The following SYNDIG1 variants were observed in gnomAD, a reference collection of about 807,000 sequenced individuals.
The protein encoded by SYNDIG1 is synapse differentiation inducing 1.
SYNDIG1 carries 9 observed loss-of-function variants against 19.4 expected under a neutral mutation model. The observed-to-expected ratio is 0.46, with a 90% confidence interval of 0.28 to 0.81. The LOEUF is 0.81. Among genes scored for constraint, SYNDIG1 ranks in the 30% least tolerant of loss-of-function variants. SYNDIG1 has a pLI of 0.12. For synonymous variants in SYNDIG1, 141 were observed against 145.9 expected (o/e 0.97, Z 0.24); for missense variants, 311 against 343.3 (o/e 0.91, Z 0.74).
At chr20:24,614,253 C>T (rs1279145671) in intron 3 of SYNDIG1, among the ~76,000 whole-genome samples, 2 of 152,232 alleles carry the variant, frequency 1.3e-5, no homozygotes, top group Non-Finnish European at 2.9e-5. Flanking sequence ...ATCCTCCCAC[C>T]TCAGCCTCCC....
At chr20:24,554,353 G>A (rs1480880150) in intron 2 of SYNDIG1, among the ~76,000 whole-genome samples, 1 of 152,184 alleles carries the variant, frequency 6.6e-6, no homozygotes, top group East Asian at 1.9e-4. Context: ...TTGAATAGGA[G>A]TGATGAGAGA....
chr20:24,622,161 A>G (rs970348338), intron 3 of SYNDIG1, among the ~76,000 whole-genome samples: 2 of 152,226 alleles, frequency 1.3e-5, no homozygotes, highest in African/African-American at 4.8e-5. Context: ...GACAACACAT[A>G]AGAAAATGGA....
intron 2 of SYNDIG1, among the ~76,000 whole-genome samples, chr20:24,581,622 G>A (rs997966925): frequency 6.6e-6 from 1 of 152,060 alleles, no homozygotes; most frequent in Non-Finnish European, 1.5e-5. Context: ...GATGGAGAGT[G>A]GAGTCGACAG....
At chr20:24,661,350 A>AGG (rs2059585138) in intron 3 of SYNDIG1, among the ~76,000 whole-genome samples, 2 of 48,076 alleles carry the variant, frequency 4.2e-5, no homozygotes, top group African/African-American at 1.5e-4. Flanking sequence ...AAGGAGGGAG[A>AGG]GAGGAGGGAG....
At chr20:24,537,157 T>A (rs993663700) in intron 1 of SYNDIG1, among the ~76,000 whole-genome samples, 2 of 152,108 alleles carry the variant, frequency 1.3e-5, no homozygotes, top group Non-Finnish European at 2.9e-5. Context: ...AGCCTCCTCC[T>A]CTGCTTCCTA....
chr20:24,603,170 G>A (rs73345335), intron 3 of SYNDIG1, among the ~76,000 whole-genome samples: 4,498 of 152,156 alleles, frequency 0.03, 95 homozygotes, highest in Middle Eastern at 0.085. Context: ...GTGCACACCC[G>A]TGTTCTGCTT....
rs1158915281 is a variant in SYNDIG1 at position 24,572,661 on chromosome 20, C to T, written c.481-12195C>T. Among the ~76,000 whole-genome samples the T allele has an allele frequency of 3.9e-5, 6 of 152,210 alleles. 1 individual carries two copies. The South Asian group carries it at 1.0e-3, about 26-fold the overall frequency. The stretch of plus-strand genomic sequence containing the variant: ...GGGGAGTAGAGATGGCCACTGGCCT[C>T]TTAAAGGAAGAGATACAGTTGTGTT... On this transcript the variant is annotated intron_variant, in intron 2 of 3. Coordinates refer to ENST00000376862, the MANE Select transcript of SYNDIG1 (RefSeq NM_024893.3).
At chr20:24,489,377 A>T (rs1284411476) in intron 1 of SYNDIG1, among the ~76,000 whole-genome samples, 1 of 151,100 alleles carries the variant, frequency 6.6e-6, no homozygotes, top group Non-Finnish European at 1.5e-5. Flanking sequence ...ACACACAGAC[A>T]TGTGGACACA....
chr20:24,661,443 A>C (rs2062999392), intron 3 of SYNDIG1, among the ~76,000 whole-genome samples: 1 of 141,614 alleles, frequency 7.1e-6, no homozygotes, highest in African/African-American at 2.6e-5. Flanking sequence ...GGAAGGAAGG[A>C]GGAAAGAGGG....
At chr20:24,492,203 C>G (rs6049737) in intron 1 of SYNDIG1, among the ~76,000 whole-genome samples, 69,031 of 152,058 alleles carry the variant, frequency 0.45, 16,691 homozygotes, top group African/African-American at 0.62. Context: ...ATGTGCCCCC[C>G]ACTTTTCGCT....
At chr20:24,615,904 C>T (rs2058925567) in intron 3 of SYNDIG1, among the ~76,000 whole-genome samples, 2 of 147,892 alleles carry the variant, frequency 1.4e-5, no homozygotes, top group Non-Finnish European at 3.0e-5. Context: ...CATCCACGAG[C>T]CTGGGTGGAA....
At chr20:24,525,041 T>C (rs2057092233) in intron 1 of SYNDIG1, among the ~76,000 whole-genome samples, 1 of 152,206 alleles carries the variant, frequency 6.6e-6, no homozygotes, top group Non-Finnish European at 1.5e-5. Context: ...TAAGGCTACA[T>C]ATTTCCCTCT....
At chr20:24,570,367 C>A (rs990310940) in intron 2 of SYNDIG1, among the ~76,000 whole-genome samples, 2 of 152,122 alleles carry the variant, frequency 1.3e-5, no homozygotes, top group African/African-American at 4.8e-5. Context: ...AAAAGACAAG[C>A]TACACAATGG....
chr20:24,591,092 G>A (rs941873319), intron 3 of SYNDIG1, among the ~76,000 whole-genome samples: 1 of 152,002 alleles, frequency 6.6e-6, no homozygotes, highest in Non-Finnish European at 1.5e-5. Flanking sequence ...GTGTGTGTGT[G>A]TGTGTGTGTG....
chr20:24,543,152 G>A lies in SYNDIG1; in HGVS notation c.55G>A (p.Ala19Thr), dbSNP rs371244743. 3.1e-6 allele frequency: 5 copies of A among 1,614,150 alleles called. No individual in the cohort carries two copies. The highest frequency in any genetic ancestry group is 4.2e-6 in the Non-Finnish European group (5 of 1,180,040). ...SMLVHSKISD[A>T]GKRNGLINTR... is the part of the protein sequence containing the mutation. ...GCTGGTGCACAGTAAAATCAGTGAT[G>A]CTGGCAAGAGGAATGGTTTAATTAA... Residue 19 changes from alanine to threonine, a missense_variant, in exon 2 of 4, where the codon GCT becomes ACT. Transcript: ENST00000376862.
chr20:24,513,816 G>A (rs1208829448), intron 1 of SYNDIG1, among the ~76,000 whole-genome samples: 2 of 152,124 alleles, frequency 1.3e-5, no homozygotes, highest in African/African-American at 4.8e-5. Flanking sequence ...TCCAAGACAT[G>A]TAATTGTCAG....
intron 1 of SYNDIG1, among the ~76,000 whole-genome samples, chr20:24,494,672 G>A (rs1005604623): frequency 1.3e-5 from 2 of 152,148 alleles, no homozygotes; most frequent in African/African-American, 4.8e-5. Context: ...AGCAGGGACC[G>A]GGGCCCTGAG....
intron 2 of SYNDIG1, among the ~76,000 whole-genome samples, chr20:24,577,412 A>C (rs1161314483): frequency 6.6e-6 from 1 of 152,250 alleles, no homozygotes; most frequent in African/African-American, 2.4e-5. Context: ...CCGATGGTGC[A>C]GGTGCTGGAG....
intron 1 of SYNDIG1, among the ~76,000 whole-genome samples, chr20:24,489,340 G>GCA (rs754563942): frequency 1.4e-5 from 2 of 148,036 alleles, no homozygotes; most frequent in African/African-American, 2.5e-5. Context: ...ATAGATTCAT[G>GCA]CACACACACA....
Sources: allele counts gnomAD v4.1 joint callset (sites outside exome capture counted in the v4.1 genomes callset), GRCh38; gene constraint gnomAD v4.1.1; transcripts MANE v1.5; gene names NCBI Gene and HGNC (gene_info 2026-07-23, HGNC 2026-07-21).